The following B3GALT1 variants were observed in gnomAD, a reference collection of about 807,000 sequenced individuals.
B3GALT1 encodes the protein UDP-Gal:betaGlcNAc beta 1,3-galactosyltransferase, polypeptide 1.
Under a neutral mutation model 23.2 loss-of-function variants are expected in B3GALT1, and 10 were observed. That is an observed-to-expected ratio of 0.43 (90% CI 0.27 to 0.73). The LOEUF is 0.73. Ranked by LOEUF, B3GALT1 falls within the 30% of genes least tolerant of loss-of-function variation. B3GALT1 has a pLI of 0.21. For missense variants in B3GALT1, 299 were observed against 405.4 expected, an observed-to-expected ratio of 0.74 and a Z score of 2.25; for synonymous variants, 156 against 141.5, an observed-to-expected ratio of 1.10 and a Z score of -0.73.
At chr2:167,360,751 A>G (rs539133504) in intron 1 of B3GALT1, among the ~76,000 whole-genome samples, 9 of 152,314 alleles carry the variant, frequency 5.9e-5, no homozygotes, top group African/African-American at 2.2e-4. Context: ...TTTGAAATAT[A>G]CAATAAATTA....
At chr2:167,828,602 A>C (rs1689277760) in intron 4 of B3GALT1, among the ~76,000 whole-genome samples, 1 of 152,236 alleles carries the variant, frequency 6.6e-6, no homozygotes, top group African/African-American at 2.4e-5. Context: ...AGGCAAATGC[A>C]TAAAATTGAT....
chr2:167,414,343 C>G (rs1175888037), intron 1 of B3GALT1, among the ~76,000 whole-genome samples: 1 of 152,046 alleles, frequency 6.6e-6, no homozygotes, highest in African/African-American at 2.4e-5. Flanking sequence ...GTAATTCTGG[C>G]CAAGTGACTC....
rs1159362336 is a variant in B3GALT1 at position 167,334,111 on chromosome 2, ATT to A, written c.-511+40778_-511+40779del. Among the ~76,000 whole-genome samples the A allele has an allele frequency of 2.0e-5, 3 of 152,164 alleles. No individual in the cohort carries two copies. In the East Asian group the frequency reaches 5.8e-4, roughly 29 times the overall value. On this transcript the variant is annotated intron_variant, in intron 1 of 4. Transcript: ENST00000392690. ...ATTTAGAACATGATCCTATATATAT[ATT>A]GGATAATAAATACAACACACTGCAG...
intron 1 of B3GALT1, among the ~76,000 whole-genome samples, chr2:167,397,955 T>G (rs1698122671): frequency 6.6e-6 from 1 of 152,156 alleles, no homozygotes; most frequent in Admixed American, 6.6e-5. Context: ...CAGCCAGCCC[T>G]GGATTTGACT....
At chr2:167,427,181 G>A (rs1698634695) in intron 1 of B3GALT1, among the ~76,000 whole-genome samples, 1 of 152,156 alleles carries the variant, frequency 6.6e-6, no homozygotes, top group South Asian at 2.1e-4. Flanking sequence ...GAAGCAGCAA[G>A]CTTAAGATAA....
intron 1 of B3GALT1, among the ~76,000 whole-genome samples, chr2:167,393,466 CT>C (rs1279938471): frequency 6.6e-6 from 1 of 151,630 alleles, no homozygotes; most frequent in Non-Finnish European, 1.5e-5. Flanking sequence ...TGTTTCTCCC[CT>C]AACAGGAAAA....
intron 3 of B3GALT1, among the ~76,000 whole-genome samples, chr2:167,782,116 C>T (rs781602638): frequency 6.6e-6 from 1 of 152,104 alleles, no homozygotes; most frequent in Non-Finnish European, 1.5e-5. Flanking sequence ...TGACAGAGAG[C>T]TGACAGCTAA....
At chr2:167,702,308 C>G (rs1267089001) in intron 3 of B3GALT1, among the ~76,000 whole-genome samples, 1 of 152,088 alleles carries the variant, frequency 6.6e-6, no homozygotes, top group Non-Finnish European at 1.5e-5. Flanking sequence ...CCTATACCTG[C>G]CAAATATTGT....
chr2:167,463,662 C>T (rs572075024), intron 1 of B3GALT1, among the ~76,000 whole-genome samples: 2 of 152,210 alleles, frequency 1.3e-5, no homozygotes, highest in South Asian at 4.1e-4. Flanking sequence ...TGATGGATTT[C>T]AGTGCTTTCA....
chr2:167,810,325 TGGTACC>T (rs1688859813), intron 3 of B3GALT1, among the ~76,000 whole-genome samples: 1 of 150,900 alleles, frequency 6.6e-6, no homozygotes, highest in Non-Finnish European at 1.5e-5. Flanking sequence ...GAGATGAACC[TGGTACC>T]TCAGTTGGAA....
At chr2:167,762,839 A>G (rs552760284) in intron 3 of B3GALT1, among the ~76,000 whole-genome samples, 1 of 152,310 alleles carries the variant, frequency 6.6e-6, no homozygotes, top group South Asian at 2.1e-4. Context: ...AATAGTGAGA[A>G]AACAAGTAAG....
intron 1 of B3GALT1, among the ~76,000 whole-genome samples, chr2:167,346,753 G>GGT (rs1574042213): frequency 1.3e-5 from 2 of 150,170 alleles, no homozygotes; most frequent in East Asian, 3.9e-4. Context: ...TGTGGGGGGG[G>GGT]GGTGGTGCGT....
chr2:167,842,906 T>G (rs13389515), intron 4 of B3GALT1, among the ~76,000 whole-genome samples: 4,662 of 152,210 alleles, frequency 0.031, 237 homozygotes, highest in African/African-American at 0.11. Flanking sequence ...ACTATTGTGT[T>G]CCAAGGCTGG....
rs562960948 is a variant in B3GALT1 at position 167,448,324 on chromosome 2, G to A, written c.-510-41853G>A. 6.3e-4 allele frequency among the ~76,000 whole-genome samples: 96 copies of A among 152,224 alleles called. 3 individuals are homozygous for A. The South Asian group carries it at 8.1e-3, about 13-fold the overall frequency. On this transcript the variant is annotated intron_variant, in intron 1 of 4. Transcript: ENST00000392690. ...TTTGATTATGGTCATTCTTGCAGGA[G>A]TAAGGTGGTATTACATTGTGGTTTT...
At chr2:167,776,078 A>AC (rs55899141) in intron 3 of B3GALT1, among the ~76,000 whole-genome samples, 2 of 148,850 alleles carry the variant, frequency 1.3e-5, no homozygotes, top group Admixed American at 6.7e-5. Flanking sequence ...ACACACACAC[A>AC]ATTATAGGTA....
intron 1 of B3GALT1, among the ~76,000 whole-genome samples, chr2:167,448,573 C>T (rs1285095609): frequency 1.3e-5 from 2 of 152,120 alleles, no homozygotes; most frequent in Non-Finnish European, 2.9e-5. Flanking sequence ...TGTCTGTTTA[C>T]TCTGCTGATT....
chr2:167,523,842 T>G (rs1195940534), intron 2 of B3GALT1, among the ~76,000 whole-genome samples: 1 of 150,004 alleles, frequency 6.7e-6, no homozygotes, highest in African/African-American at 2.5e-5. Flanking sequence ...ACATTTTATT[T>G]TCTCACATAT....
chr2:167,634,312 A>G (rs929861262), intron 2 of B3GALT1, among the ~76,000 whole-genome samples: 1 of 152,094 alleles, frequency 6.6e-6, no homozygotes, highest in Admixed American at 6.6e-5. Flanking sequence ...GAGCAAACAC[A>G]TTCAAAAGCT....
chr2:167,513,232 A>G (rs548004818), intron 2 of B3GALT1, among the ~76,000 whole-genome samples: 1 of 152,114 alleles, frequency 6.6e-6, no homozygotes, highest in South Asian at 2.1e-4. Context: ...ACTTATTCAT[A>G]TTTAGTGCTG....
Sources: allele counts gnomAD v4.1 joint callset (sites outside exome capture counted in the v4.1 genomes callset), GRCh38; gene constraint gnomAD v4.1.1; transcripts MANE v1.5; gene names NCBI Gene and HGNC (gene_info 2026-07-23, HGNC 2026-07-21).